Variants in RNF217 observed in about 807,000 individuals in gnomAD.
RNF217 encodes E3 ubiquitin-protein ligase RNF217.
In RNF217, 31 loss-of-function variants were observed where a neutral mutation model predicts 57.8. That is an observed-to-expected ratio of 0.54 (90% confidence interval 0.40 to 0.72). RNF217 has a LOEUF of 0.72. Among genes scored for constraint, RNF217 ranks in the 30% least tolerant of loss-of-function variants. The pLI, the probability that RNF217 is intolerant of heterozygous loss-of-function variation, is 0.00. For missense variants in RNF217, 696 were observed against 708.3 expected (o/e 0.98, Z 0.20); for synonymous variants, 313 against 294.0 (o/e 1.06, Z -0.66).
chr6:125,043,873 C>T (rs1355891978), intron 1 of RNF217, among the ~76,000 whole-genome samples: 2 of 151,968 alleles, frequency 1.3e-5, no homozygotes, highest in Non-Finnish European at 2.9e-5. Flanking sequence ...ATACTTTTAA[C>T]AGGTCAATAC....
At chr6:125,000,251 TA>T (rs1428873645) in intron 1 of RNF217, among the ~76,000 whole-genome samples, 1 of 152,160 alleles carries the variant, frequency 6.6e-6, no homozygotes, top group Non-Finnish European at 1.5e-5. Context: ...TTCTAGAAAC[TA>T]AAAATGTATT....
In RNF217 at chr6:125,089,811, C is replaced by T. The variant is rs1348270236; in HGVS notation, c.*6874C>T. On this transcript the variant is annotated 3_prime_UTR_variant, in exon 6 of 6. Transcript: ENST00000521654. Reference sequence around the variant, plus strand: ...AGCTTGGGAAATATTCTTAGTAATCCAATCAAATCCTTAAAAACAGCATTT... The same window carrying T: ...AGCTTGGGAAATATTCTTAGTAATCTAATCAAATCCTTAAAAACAGCATTT... 6.6e-6 allele frequency: 1 copy of T among 152,060 alleles called. No homozygotes were observed. The highest frequency in any genetic ancestry group is 1.5e-5 in the Non-Finnish European group (1 of 68,004). The allele number at this position is 152,060 out of a possible 1,614,324, so 9.4% of individuals were successfully genotyped here.
At chr6:124,965,681 G>A (rs1365688858) in intron 1 of RNF217, among the ~76,000 whole-genome samples, 1 of 152,160 alleles carries the variant, frequency 6.6e-6, no homozygotes, top group Non-Finnish European at 1.5e-5. Context: ...GGTTTTCCCT[G>A]TTCCAGGAAG....
rs1012952748 is a variant in RNF217 at position 125,090,280 on chromosome 6, T to G, written c.*7343T>G. On this transcript the variant is annotated 3_prime_UTR_variant, in exon 6 of 6. Transcript: ENST00000521654. Reference sequence around the variant, plus strand: ...CTTTTAGAAGCAATTAACATAGTAATTAGTAAATTCTGAGAGATGACAGAA... The same window carrying G: ...CTTTTAGAAGCAATTAACATAGTAAGTAGTAAATTCTGAGAGATGACAGAA... 6.6e-6 allele frequency: 1 copy of G among 152,040 alleles called. No individual in the cohort carries two copies. Among genetic ancestry groups the G allele is most frequent in the African/African-American group, 2.4e-5 (1 of 41,448 alleles). 9.4% of individuals were successfully genotyped at this position (152,040 alleles called of 1,614,324 possible).
intron 1 of RNF217, among the ~76,000 whole-genome samples, chr6:125,001,625 A>G (rs1376054875): frequency 6.6e-6 from 1 of 152,202 alleles, no homozygotes; most frequent in African/African-American, 2.4e-5. Flanking sequence ...AAAATTAGGG[A>G]TTATTGCTTA....
At chr6:125,021,908 G>A (rs1256296795) in intron 1 of RNF217, among the ~76,000 whole-genome samples, 1 of 151,952 alleles carries the variant, frequency 6.6e-6, no homozygotes, top group Admixed American at 6.6e-5. Context: ...TTGAGATGGA[G>A]TCTCACTCTG....
chr6:125,020,555 T>A (rs556785662), intron 1 of RNF217, among the ~76,000 whole-genome samples: 103 of 152,228 alleles, frequency 6.8e-4, no homozygotes, highest in Non-Finnish European at 1.2e-3. Flanking sequence ...GAGATCTGGT[T>A]GTTGTTGCCT....
intron 1 of RNF217, among the ~76,000 whole-genome samples, chr6:125,016,068 A>G (rs184853655): frequency 3.3e-5 from 5 of 152,292 alleles, no homozygotes; most frequent in Admixed American, 2.6e-4. Context: ...GACACTGGAT[A>G]CCAACTAGAA....
At chr6:125,015,855 G>T (rs1423088717) in intron 1 of RNF217, among the ~76,000 whole-genome samples, 2 of 152,080 alleles carry the variant, frequency 1.3e-5, no homozygotes, top group African/African-American at 4.8e-5. Context: ...CCAGCAATTA[G>T]AGATTAGATT....
chr6:125,013,411 T>C (rs1055603339), intron 1 of RNF217, among the ~76,000 whole-genome samples: 2 of 150,438 alleles, frequency 1.3e-5, no homozygotes, highest in Non-Finnish European at 3.0e-5. Context: ...AGCATGGTCG[T>C]GGAACGGTTC....
chr6:124,976,339 G>A (rs1562448471), intron 1 of RNF217, among the ~76,000 whole-genome samples: 1 of 144,540 alleles, frequency 6.9e-6, no homozygotes, highest in Non-Finnish European at 1.5e-5. Context: ...TGTAATCTTG[G>A]CTCACTGCAA....
chr6:125,088,637 AT>A lies in RNF217; in HGVS notation c.*5704del, dbSNP rs1788845081. 1 of 152,148 alleles carries A rather than the reference AT, an allele frequency of 6.6e-6. No individual in the cohort carries two copies. The highest frequency in any genetic ancestry group is 2.4e-5 in the African/African-American group (1 of 41,438). 9.4% of individuals were successfully genotyped at this position (152,148 alleles called of 1,614,324 possible). A position where few individuals can be genotyped will look rare whatever the true frequency, so the allele number is the denominator to read the frequency against. On this transcript the variant is annotated 3_prime_UTR_variant, in exon 6 of 6. Coordinates refer to ENST00000521654, the MANE Select transcript of RNF217 (RefSeq NM_001286398.3). ...TATCTTTTTGGCTAGAGAAGTGACT[AT>A]TTTAGAATAACAGTATGAATGTAAA...
chr6:124,964,558 T>G (rs1223058343), intron 1 of RNF217, among the ~76,000 whole-genome samples: 1 of 152,182 alleles, frequency 6.6e-6, no homozygotes, highest in Non-Finnish European at 1.5e-5. Flanking sequence ...CTATGTTTTT[T>G]GGCTAACTCA....
At chr6:124,981,891 G>A (rs549073751) in intron 1 of RNF217, among the ~76,000 whole-genome samples, 45 of 151,686 alleles carry the variant, frequency 3.0e-4, no homozygotes, top group African/African-American at 9.7e-4. Flanking sequence ...GGCCGGGCGT[G>A]GTTATGGGCA....
intron 3 of RNF217, among the ~76,000 whole-genome samples, chr6:125,066,265 G>A (rs899867770): frequency 1.3e-5 from 2 of 152,052 alleles, no homozygotes; most frequent in African/African-American, 4.8e-5. Flanking sequence ...TAAACATAAC[G>A]CAGATTACAT....
At chr6:124,987,070 C>A (rs967728671) in intron 1 of RNF217, among the ~76,000 whole-genome samples, 2 of 152,126 alleles carry the variant, frequency 1.3e-5, no homozygotes, top group Admixed American at 6.6e-5. Context: ...TATGCACATT[C>A]ATAATTTGGA....
intron 1 of RNF217, among the ~76,000 whole-genome samples, chr6:124,997,251 T>C (rs766641371): frequency 6.6e-5 from 10 of 152,186 alleles, no homozygotes; most frequent in Non-Finnish European, 7.3e-5. Flanking sequence ...TGTATTTGCA[T>C]GTATGGCTGC....
chr6:125,059,135 A>G (rs1250442687), intron 3 of RNF217, among the ~76,000 whole-genome samples: 2 of 151,892 alleles, frequency 1.3e-5, no homozygotes, highest in Non-Finnish European at 2.9e-5. Flanking sequence ...GTTTATAAAT[A>G]TAGTAAGGAA....
At chr6:125,056,778 A>G (rs764381746) in intron 2 of RNF217, among the ~76,000 whole-genome samples, 3 of 152,212 alleles carry the variant, frequency 2.0e-5, no homozygotes, top group Non-Finnish European at 2.9e-5. Flanking sequence ...AATCCATTGT[A>G]ATCACATGGG....
Sources: allele counts gnomAD v4.1 joint callset (sites outside exome capture counted in the v4.1 genomes callset), GRCh38; gene constraint gnomAD v4.1.1; transcripts MANE v1.5; gene names NCBI Gene and HGNC (gene_info 2026-07-23, HGNC 2026-07-21).